Variants in CCT7 observed in about 807,000 individuals in gnomAD.
The protein encoded by CCT7 is T-complex protein 1 subunit eta.
A neutral mutation model predicts 56.6 loss-of-function variants in CCT7; 16 were observed. That is an observed-to-expected ratio of 0.28 (90% CI 0.19 to 0.43). CCT7 has a LOEUF of 0.43. CCT7 is among the 20% of genes least tolerant of loss of function. The pLI is 1.00. For missense variants in CCT7, 519 were observed against 685.6 expected (o/e 0.76, Z 2.71); for synonymous variants, 262 against 254.8 (o/e 1.03, Z -0.27).
At chr2:73,239,525 T>C (rs1687013782) in intron 1 of CCT7, 118 bp from the exon 2 acceptor site, 2 of 906,508 alleles carry the variant, frequency 2.2e-6, no homozygotes, top group Non-Finnish European at 3.3e-6. Flanking sequence ...GGGAATGTGG[T>C]TTAAGAAGAC....
At chr2:73,234,839 G>T (rs1262368971) in intron 1 of CCT7, among the ~76,000 whole-genome samples, 1 of 152,190 alleles carries the variant, frequency 6.6e-6, no homozygotes, top group African/African-American at 2.4e-5. Context: ...CTCATATTGT[G>T]CCCGCCTAGG....
At chr2:73,238,455 T>G (rs1686969002) in intron 1 of CCT7, among the ~76,000 whole-genome samples, 1 of 152,250 alleles carries the variant, frequency 6.6e-6, no homozygotes. Context: ...CAAGACTCTG[T>G]CTTTGGCAGG....
At chr2:73,239,903 G>A (rs867254057) in intron 2 of CCT7, 107 bp downstream of exon 2, 81 of 941,672 alleles carry the variant, frequency 8.6e-5, no homozygotes, top group South Asian at 2.2e-4. Context: ...TTTTAAGATC[G>A]TTGAAAGATG....
intron 6 of CCT7, among the ~76,000 whole-genome samples, chr2:73,245,633 C>G (rs1687302156): frequency 6.6e-6 from 1 of 152,220 alleles, no homozygotes; most frequent in African/African-American, 2.4e-5. Flanking sequence ...CCTTTTCAGT[C>G]TCTGGCCTGC....
At chr2:73,248,853 A>G in intron 7 of CCT7, 138 bp from the exon 8 acceptor site, 1 of 671,560 alleles carries the variant, frequency 1.5e-6, no homozygotes, top group Admixed American at 2.9e-5. Context: ...ACTGAGGAGT[A>G]GCTATTCTGT....
At chr2:73,237,017 G>T (rs1437374763) in intron 1 of CCT7, among the ~76,000 whole-genome samples, 1 of 152,206 alleles carries the variant, frequency 6.6e-6, no homozygotes, top group Non-Finnish European at 1.5e-5. Flanking sequence ...TGGATTTTCA[G>T]CCCCAAAAGC....
At position 73,252,844 on chromosome 2, in the gene CCT7, C is replaced by T. The variant is rs547857492; in HGVS notation, c.1615C>T (p.Arg539Cys). Reference protein sequence around the residue: ...APTAAGRGRGRGRPH With the variant: ...APTAAGRGRGCGRPH ...CACAGCAGCAGGCCGGGGCCGTGGT[C>T]GTGGCCGCCCCCACTGAGAGGCACC... Residue 539 changes from arginine (R) to cysteine (C), a missense_variant, in exon 12 of 12, where the codon CGT becomes TGT. Physicochemically the swap from Arg to Cys is radical, Grantham distance 180 (BLOSUM62 -3). This residue lies in a region of CCT7 where 237 missense variants were observed against 300.8 expected (regional missense o/e 0.79). Coordinates refer to ENST00000258091, the MANE Select transcript of CCT7 (RefSeq NM_006429.4). 37 of 1,613,556 alleles carry T rather than the reference C, an allele frequency of 2.3e-5. No homozygotes were observed. The Admixed American group carries it at 2.8e-4, about 12-fold the overall frequency.
intron 10 of CCT7, among the ~76,000 whole-genome samples, chr2:73,250,817 T>G (rs1687544997): frequency 6.6e-6 from 1 of 151,574 alleles, no homozygotes; most frequent in Admixed American, 6.6e-5. Flanking sequence ...GTGCCTGTAG[T>G]CAGTCCCAGC....
intron 8 of CCT7, among the ~76,000 whole-genome samples, 187 bp downstream of exon 8, chr2:73,249,366 T>C (rs917107760): frequency 5.9e-5 from 9 of 152,216 alleles, no homozygotes; most frequent in African/African-American, 2.2e-4. Context: ...CAAACTACTT[T>C]AGTCTAACCA....
chr2:73,241,521 T>C (rs904191936), intron 3 of CCT7, among the ~76,000 whole-genome samples: 1 of 152,088 alleles, frequency 6.6e-6, no homozygotes, highest in Non-Finnish European at 1.5e-5. Flanking sequence ...GAGGCCAAGG[T>C]GGGAGGATCC....
In CCT7 at chr2:73,251,360, A is replaced by C. The variant is rs1274845185; in HGVS notation, c.1338A>C (p.Pro446=). 2 of 1,614,020 alleles carry C rather than the reference A, an allele frequency of 1.2e-6. No homozygotes were observed. Among genetic ancestry groups the C allele is most frequent in the Non-Finnish European group, 1.7e-6 (2 of 1,179,954 alleles). ...GAYAKALEII[P]RQLCDNAGFD... is the part of the protein sequence containing the mutation. ...ATGCCAAGGCCTTGGAGATTATCCC[A>C]CGCCAGCTGTGTGACAATGCTGGCT... Residue 446 remains proline, a synonymous_variant, in exon 11 of 12, where the codon CCA becomes CCC. Transcript: ENST00000258091.
chr2:73,241,913 G>C (rs1687133486), intron 3 of CCT7, among the ~76,000 whole-genome samples: 1 of 151,826 alleles, frequency 6.6e-6, no homozygotes, highest in Non-Finnish European at 1.5e-5. Context: ...GGTAATTTTT[G>C]TATTTTTGGT....
At chr2:73,249,771 TG>T (rs1558569515) in intron 8 of CCT7, 47 bp from the exon 9 acceptor site, 1 of 1,336,936 alleles carries the variant, frequency 7.5e-7, no homozygotes. Context: ...GGAAGCTGCC[TG>T]GCCTCGGGAA....
intron 11 of CCT7, among the ~76,000 whole-genome samples, chr2:73,251,885 G>A (rs1383694879): frequency 1.3e-5 from 2 of 151,986 alleles, no homozygotes; most frequent in Non-Finnish European, 2.9e-5. Flanking sequence ...CTTGCAGTGA[G>A]CAGAGATCGT....
chr2:73,242,700 A>G (rs888949715), intron 3 of CCT7, among the ~76,000 whole-genome samples: 3 of 152,380 alleles, frequency 2.0e-5, no homozygotes, highest in South Asian at 2.1e-4. Flanking sequence ...TGTACGTAAC[A>G]TAAGTTCTCA....
chr2:73,236,819 T>C (rs1686905115), intron 1 of CCT7, among the ~76,000 whole-genome samples: 1 of 152,222 alleles, frequency 6.6e-6, no homozygotes. Context: ...AGATGCTCTC[T>C]ACCCAGCCTG....
chr2:73,252,607 C>T (rs758865291), intron 11 of CCT7, 33 bp from the exon 12 acceptor site: 3 of 1,533,302 alleles, frequency 2.0e-6, no homozygotes, highest in Admixed American at 3.4e-5. Flanking sequence ...AAAGTAGTTC[C>T]ATATTACCTC....
At chr2:73,252,526 C>A in intron 11 of CCT7, 114 bp from the exon 12 acceptor site, 2 of 787,166 alleles carry the variant, frequency 2.5e-6, no homozygotes, top group Non-Finnish European at 4.2e-6. Flanking sequence ...CAGCGAAATG[C>A]CACCAAGTTC....
intron 3 of CCT7, among the ~76,000 whole-genome samples, chr2:73,241,536 A>C (rs1253993867): frequency 6.6e-6 from 1 of 152,084 alleles, no homozygotes; most frequent in African/African-American, 2.4e-5. Context: ...GGATCCCTTC[A>C]GTCCAGGAGT....
Sources: gnomAD v4.1 joint callset for allele counts (sites outside exome capture counted in the v4.1 genomes callset) on GRCh38, gnomAD v4.1.1 for gene constraint, gnomAD v4.1.1 regional missense constraint, MANE v1.5 for transcripts, NCBI Gene and HGNC (gene_info 2026-07-23, HGNC 2026-07-21) for gene names.